The following CAMK2G variants were observed in gnomAD, a reference collection of about 807,000 sequenced individuals.
The protein encoded by CAMK2G is calcium/calmodulin dependent protein kinase II gamma.
In CAMK2G, 23 loss-of-function variants were observed where a neutral mutation model predicts 88.7. The observed-to-expected ratio is 0.26, with a 90% confidence interval of 0.19 to 0.37. The LOEUF (loss-of-function observed/expected upper bound fraction) is 0.37, where lower values mean the gene tolerates loss of function less well. CAMK2G is among the 10% of genes least tolerant of loss of function. The pLI, the probability that CAMK2G is intolerant of heterozygous loss-of-function variation, is 1.00. For synonymous variants in CAMK2G, 263 were observed against 294.8 expected (o/e 0.89, Z 1.11); for missense variants, 476 against 780.8 (o/e 0.61, Z 4.65).
chr10:73,835,292 C>T (rs2093055990), intron 14 of CAMK2G, among the ~76,000 whole-genome samples: 1 of 151,606 alleles, frequency 6.6e-6, no homozygotes, highest in African/African-American at 2.4e-5. Flanking sequence ...AGGGGCACAG[C>T]AGGTATCTTT....
At chr10:73,868,506 T>C (rs1052795501) in intron 2 of CAMK2G, among the ~76,000 whole-genome samples, 16 of 152,158 alleles carry the variant, frequency 1.1e-4, no homozygotes, top group African/African-American at 2.4e-4. Flanking sequence ...GGAGAGAAAG[T>C]AGAGGCGCTC....
chr10:73,853,985 C>T, intron 3 of CAMK2G, among the ~76,000 whole-genome samples: 1 of 152,266 alleles, frequency 6.6e-6, no homozygotes, highest in South Asian at 2.1e-4. Context: ...ATGTTATTCC[C>T]ATTCTACAGA....
Position 73,866,283 on chromosome 10 carries a change from T to C in CAMK2G, c.161-5394A>G, listed in dbSNP as rs1181633615. Reference sequence around the variant, plus strand: ...AAAGAGGAAGCAGATAGGGAGGTGATAGCTTGCAGCCAAGGGGTGCACCAA... The same window carrying C: ...AAAGAGGAAGCAGATAGGGAGGTGACAGCTTGCAGCCAAGGGGTGCACCAA... On this transcript the variant is annotated intron_variant, in intron 2 of 22. Coordinates refer to ENST00000423381, the MANE Select transcript of CAMK2G (RefSeq NM_001367534.1). Among the ~76,000 whole-genome samples the C allele has an allele frequency of 6.6e-5, 10 of 152,098 alleles. No homozygotes were observed. In the East Asian group the frequency reaches 1.9e-3, roughly 29 times the overall value.
At chr10:73,849,816 G>A (rs532871901) in intron 5 of CAMK2G, among the ~76,000 whole-genome samples, 1 of 152,114 alleles carries the variant, frequency 6.6e-6, no homozygotes, top group Non-Finnish European at 1.5e-5. Flanking sequence ...AATGTTTATT[G>A]AGTGCCTAGG....
intron 14 of CAMK2G, among the ~76,000 whole-genome samples, chr10:73,834,169 C>T (rs1464489776): frequency 4.6e-5 from 7 of 152,182 alleles, no homozygotes; most frequent in Middle Eastern, 3.4e-3. Context: ...CCACCCGCCT[C>T]GGCCTCCCAA....
intron 15 of CAMK2G, among the ~76,000 whole-genome samples, chr10:73,826,735 T>C (rs190143576): frequency 6.6e-6 from 1 of 152,306 alleles, no homozygotes; most frequent in African/African-American, 2.4e-5. Flanking sequence ...CTAGAATGTG[T>C]GTCTTCTCTC....
intron 14 of CAMK2G, among the ~76,000 whole-genome samples, chr10:73,828,575 C>T (rs1363479587): frequency 6.6e-6 from 1 of 152,340 alleles, no homozygotes; most frequent in East Asian, 1.9e-4. Context: ...ACTACAGGCT[C>T]TCCTCAGCTC....
In CAMK2G at chr10:73,873,040, T is replaced by C; in HGVS notation, c.109A>G (p.Thr37Ala). The C allele has an allele frequency of 6.2e-7, 1 of 1,613,252 alleles. No homozygotes were observed. The highest frequency in any genetic ancestry group is 1.3e-5 in the African/African-American group (1 of 74,780). The change falls in exon 2 of 23, where the codon ACG becomes GCG. Residue 37 changes from threonine to alanine, a missense_variant. Thr to Ala is a moderately conservative substitution (Grantham distance 58). Coordinates refer to ENST00000423381, the MANE Select transcript of CAMK2G (RefSeq NM_001367534.1). Reference sequence around the variant, plus strand: ...ATGATTTTTGCTGCGTACTCCTGCGTGGAGGTTTTCTTCACACACCTGCGG... The same window carrying C: ...ATGATTTTTGCTGCGTACTCCTGCGCGGAGGTTTTCTTCACACACCTGCGG... The part of the protein sequence containing the change: ...VVRRCVKKTS[T>A]QEYAAKIINT...
intron 14 of CAMK2G, among the ~76,000 whole-genome samples, chr10:73,836,165 G>A (rs1023897295): frequency 1.3e-5 from 2 of 152,158 alleles, no homozygotes; most frequent in Non-Finnish European, 2.9e-5. Flanking sequence ...ACATATAGCA[G>A]AAAGTAAAAC....
intron 21 of CAMK2G, chr10:73,816,477 T>G (rs1320683585): frequency 9.3e-7 from 1 of 1,073,752 alleles, no homozygotes; most frequent in African/African-American, 1.7e-5. Context: ...TTCTTTTTTT[T>G]TGAGATGGAG....
Position 73,842,539 on chromosome 10 carries a change from T to C in CAMK2G, c.822A>G (p.Gln274=), listed in dbSNP as rs1435607041. ...DQALKHPWVC[Q]RSTVASMMHR... is the part of the protein sequence containing the mutation. ...GCATCATGGATGCCACCGTGGATCG[T>C]TGCTAGAAACCAAACAGACAGGCTA... Residue 274 remains glutamine, a splice_region_variant and synonymous_variant, in exon 11 of 23, where the codon CAA becomes CAG. Transcript: ENST00000423381. This position sits in a 1 kb window ranked among gnomAD's most constrained non-coding sequence, Gnocchi z 4.6. The C allele has an allele frequency of 1.9e-6, 3 of 1,612,532 alleles. No homozygotes were observed. Among genetic ancestry groups the C allele is most frequent in the Non-Finnish European group, 2.5e-6 (3 of 1,178,680 alleles).
rs545013965 is a variant in CAMK2G, at chr10:73,821,862, C to T, written c.1201-132G>A. ...AATTGTGGAAGGTTCTGCTTCCACC[C>T]TGGCTGTCTGACTCTTCCCAAATCC... On this transcript the variant is annotated intron_variant, in intron 17 of 22. Transcript: ENST00000423381. The T allele has an allele frequency of 4.2e-6, 3 of 719,970 alleles. No homozygotes were observed. The South Asian group carries it at 4.8e-5, about 12-fold the overall frequency. 44.6% of individuals were successfully genotyped at this position (719,970 alleles called of 1,614,324 possible).
At position 73,847,133 on chromosome 10, in the gene CAMK2G, G is replaced by C. The variant is rs1251000695; in HGVS notation, c.819+92C>G. 5 of 1,335,696 alleles carry C rather than the reference G, an allele frequency of 3.7e-6. No homozygotes were observed. The East Asian group carries it at 9.3e-5, about 25-fold the overall frequency. 82.7% of individuals were successfully genotyped at this position (1,335,696 alleles called of 1,614,324 possible). ...TCAGTTATTGCTTGGGGCCCAGAAT[G>C]AATCTCTGCTGGTAAGAAGGAGGGG... On this transcript the variant is annotated intron_variant, in intron 10 of 22. Transcript: ENST00000423381.
chr10:73,852,377 A>C (rs1039235126), intron 4 of CAMK2G, 58 bp from the exon 5 acceptor site: 28 of 1,389,424 alleles, frequency 2.0e-5, no homozygotes, highest in Non-Finnish European at 2.9e-5. Context: ...TCCAACCCCA[A>C]TGTCCAAGAA....
At position 73,839,405 on chromosome 10, in the gene CAMK2G, G is replaced by A; in HGVS notation, c.1009+134C>T. 2 of 435,446 alleles carry A rather than the reference G, an allele frequency of 4.6e-6. No individual in the cohort carries two copies. Among genetic ancestry groups the A allele is most frequent in the Non-Finnish European group, 7.7e-6 (2 of 260,864 alleles). The allele number at this position is 435,446 out of a possible 1,614,324, so 27.0% of individuals were successfully genotyped here. On this transcript the variant is annotated intron_variant, in intron 13 of 22. Coordinates refer to ENST00000423381, the MANE Select transcript of CAMK2G (RefSeq NM_001367534.1). This position sits in a 1 kb window ranked among gnomAD's most constrained non-coding sequence, Gnocchi z 4.2. Reference sequence around the variant, plus strand: ...GCGCTTGCAGATGCCAAGTTAGGTAGTCTGTCTGGCATGCCCATCTCAGCC... The same window carrying A: ...GCGCTTGCAGATGCCAAGTTAGGTAATCTGTCTGGCATGCCCATCTCAGCC...
Position 73,828,134 on chromosome 10 carries a change from C to T in CAMK2G, c.1054-13G>A, listed in dbSNP as rs563467102. 20 of 1,611,292 alleles carry T rather than the reference C, an allele frequency of 1.2e-5. No individual in the cohort carries two copies. The South Asian group carries it at 1.5e-4, about 12-fold the overall frequency. On this transcript the variant is annotated splice_polypyrimidine_tract_variant and intron_variant, in intron 14 of 22. Coordinates refer to ENST00000423381, the MANE Select transcript of CAMK2G (RefSeq NM_001367534.1). ...TCGACTTCCTTTTCTGGACACACCA[C>T]AGCAAGAGGGAAAGAGAAGGGGAAA...
At chr10:73,853,336 C>G in intron 3 of CAMK2G, 90 bp from the exon 4 acceptor site, 1 of 1,159,556 alleles carries the variant, frequency 8.6e-7, no homozygotes, top group South Asian at 1.3e-5. Flanking sequence ...CTGCCCCATC[C>G]TGTCGGGCTC....
At chr10:73,868,008 G>T (rs529239553) in intron 2 of CAMK2G, among the ~76,000 whole-genome samples, 2 of 152,278 alleles carry the variant, frequency 1.3e-5, no homozygotes, top group Non-Finnish European at 2.9e-5. Context: ...TGACAAAGGG[G>T]CTCTGCAGAG....
chr10:73,859,620 G>A (rs2095273528), intron 3 of CAMK2G, among the ~76,000 whole-genome samples: 1 of 152,222 alleles, frequency 6.6e-6, no homozygotes. Context: ...CCCACCAGCT[G>A]AGAGGTGCTG....
Sources: gnomAD v4.1 joint callset for allele counts (sites outside exome capture counted in the v4.1 genomes callset) on GRCh38, gnomAD v4.1.1 for gene constraint, Gnocchi (gnomAD v3.1) non-coding constraint, MANE v1.5 for transcripts, NCBI Gene and HGNC (gene_info 2026-07-23, HGNC 2026-07-21) for gene names.